Variants in PARD3B observed in about 807,000 individuals in gnomAD.
The protein encoded by PARD3B is par-3 family cell polarity regulator beta.
A neutral mutation model predicts 130.2 loss-of-function variants in PARD3B; 103 were observed. The observed-to-expected ratio is 0.79, with a 90% CI of 0.67 to 0.93. PARD3B has a LOEUF of 0.93. Among genes scored for constraint, PARD3B ranks in the 40% least tolerant of loss-of-function variants. The probability of loss-of-function intolerance (pLI) is 0.00; values close to 1 mark genes in which losing one functional copy is unlikely to be tolerated. For missense variants in PARD3B, 1,609 were observed against 1,499.2 expected, an observed-to-expected ratio of 1.07 and a Z score of -1.21; for synonymous variants, 583 against 553.2, an observed-to-expected ratio of 1.05 and a Z score of -0.76.
chr2:204,622,441 G>A (rs531926382), intron 1 of PARD3B, among the ~76,000 whole-genome samples: 5 of 152,130 alleles, frequency 3.3e-5, no homozygotes, highest in Middle Eastern at 3.4e-3. Flanking sequence ...TCATTTCCTC[G>A]ATGAATCAGA....
At chr2:205,488,248 AT>A (rs1238276375) in intron 20 of PARD3B, among the ~76,000 whole-genome samples, 1 of 149,640 alleles carries the variant, frequency 6.7e-6, no homozygotes, top group African/African-American at 2.5e-5. Context: ...CTGGAAGACA[AT>A]TTTTCCACAG....
intron 2 of PARD3B, among the ~76,000 whole-genome samples, chr2:204,931,458 A>G (rs1320877445): frequency 6.6e-6 from 1 of 152,068 alleles, no homozygotes; most frequent in African/African-American, 2.4e-5. Flanking sequence ...CCATTTAATG[A>G]TAGTTTATTT....
chr2:205,213,737 C>T (rs2037768035), intron 15 of PARD3B, among the ~76,000 whole-genome samples: 1 of 151,998 alleles, frequency 6.6e-6, no homozygotes, highest in African/African-American at 2.4e-5. Flanking sequence ...GTTTTGTCCA[C>T]TTAAAAGGAA....
intron 10 of PARD3B, among the ~76,000 whole-genome samples, chr2:205,133,664 GAAATT>G (rs2032216263): frequency 6.6e-6 from 1 of 152,154 alleles, no homozygotes; most frequent in African/African-American, 2.4e-5. Flanking sequence ...AATATTCTGT[GAAATT>G]TTTTAAGCCC....
intron 14 of PARD3B, among the ~76,000 whole-genome samples, chr2:205,189,212 A>G (rs1404660713): frequency 6.6e-6 from 1 of 152,144 alleles, no homozygotes; most frequent in African/African-American, 2.4e-5. Flanking sequence ...ATAGAAGCCA[A>G]TTGTTGAAGT....
intron 2 of PARD3B, among the ~76,000 whole-genome samples, chr2:204,758,282 C>G (rs1164365027): frequency 6.6e-6 from 1 of 152,078 alleles, no homozygotes; most frequent in East Asian, 1.9e-4. Context: ...AGTCATGTGC[C>G]CAAGCCCAGA....
At chr2:204,719,017 A>G (rs771536016) in intron 2 of PARD3B, among the ~76,000 whole-genome samples, 16 of 152,218 alleles carry the variant, frequency 1.1e-4, no homozygotes, top group Non-Finnish European at 1.3e-4. Context: ...TAAAATACAC[A>G]TTGGGAGAAG....
chr2:205,556,849 G>A lies in PARD3B; in HGVS notation c.3260+3446G>A, dbSNP rs552647673. ...TGTTTCCTAGGCTGCTATGATGTGC[G>A]AACATCAACGTATGTGTTTTTGCAA... On this transcript the variant is annotated intron_variant, in intron 22 of 22. Transcript: ENST00000406610. 1.2e-4 allele frequency among the ~76,000 whole-genome samples: 18 copies of A among 152,256 alleles called. No homozygotes were observed. The South Asian group carries it at 1.2e-3, about 11-fold the overall frequency.
intron 1 of PARD3B, among the ~76,000 whole-genome samples, chr2:204,628,280 T>G (rs2034556310): frequency 6.7e-6 from 1 of 150,088 alleles, no homozygotes; most frequent in African/African-American, 2.4e-5. Flanking sequence ...AAATTCCCGT[T>G]TTTTTTTTTT....
intron 18 of PARD3B, among the ~76,000 whole-genome samples, chr2:205,326,345 TA>T (rs572919167): frequency 3.3e-3 from 504 of 152,290 alleles, no homozygotes; most frequent in African/African-American, 0.012. Flanking sequence ...ACAAAAATCT[TA>T]TTCCATTAGG....
chr2:205,445,770 A>G (rs1005037806), intron 20 of PARD3B, among the ~76,000 whole-genome samples: 5 of 152,246 alleles, frequency 3.3e-5, no homozygotes, highest in Admixed American at 1.3e-4. Context: ...AGATTAAATC[A>G]TGGGTATGGG....
chr2:204,737,198 A>G (rs2039796526), intron 2 of PARD3B, among the ~76,000 whole-genome samples: 1 of 152,160 alleles, frequency 6.6e-6, no homozygotes, highest in African/African-American at 2.4e-5. Flanking sequence ...TCTCGACCTC[A>G]GGTGATCCGC....
chr2:205,360,427 C>T (rs887822473), intron 18 of PARD3B, among the ~76,000 whole-genome samples: 4 of 121,186 alleles, frequency 3.3e-5, no homozygotes, highest in African/African-American at 5.1e-5. Context: ...AATCTTTTTC[C>T]GCCTCTATGT....
intron 14 of PARD3B, 31 bp downstream of exon 14, chr2:205,185,894 C>G: frequency 6.4e-7 from 1 of 1,553,344 alleles, no homozygotes; most frequent in Non-Finnish European, 8.9e-7. Flanking sequence ...CGTAAATGCT[C>G]CTTGTTATTG....
At chr2:205,147,464 A>T (rs2033446196) in intron 10 of PARD3B, among the ~76,000 whole-genome samples, 1 of 152,198 alleles carries the variant, frequency 6.6e-6, no homozygotes, top group Admixed American at 6.5e-5. Context: ...AACAGGCAAT[A>T]TGGAATGGCC....
intron 1 of PARD3B, among the ~76,000 whole-genome samples, chr2:204,579,481 A>G (rs1376070055): frequency 6.6e-6 from 1 of 152,226 alleles, no homozygotes; most frequent in Non-Finnish European, 1.5e-5. Context: ...GCTCTTTAAA[A>G]AGAAGTAAGT....
At chr2:204,578,070 A>G (rs925573399) in intron 1 of PARD3B, among the ~76,000 whole-genome samples, 3 of 152,230 alleles carry the variant, frequency 2.0e-5, no homozygotes, top group South Asian at 2.1e-4. Context: ...CGTAGTGGAC[A>G]GCACTACCCA....
chr2:204,701,114 TC>T (rs1212060779), intron 2 of PARD3B, among the ~76,000 whole-genome samples: 2 of 152,184 alleles, frequency 1.3e-5, no homozygotes, highest in East Asian at 3.8e-4. Context: ...AACACATTTT[TC>T]TATGTATTTA....
chr2:204,780,939 C>T (rs943267169), intron 2 of PARD3B, among the ~76,000 whole-genome samples: 1 of 151,672 alleles, frequency 6.6e-6, no homozygotes, highest in Non-Finnish European at 1.5e-5. Flanking sequence ...GGATTGCTGT[C>T]TGAATGGGGG....
Sources: gnomAD v4.1 joint callset for allele counts (sites outside exome capture counted in the v4.1 genomes callset) on GRCh38, gnomAD v4.1.1 for gene constraint, MANE v1.5 for transcripts, NCBI Gene and HGNC (gene_info 2026-07-23, HGNC 2026-07-21) for gene names.